The following CSMD3 variants were observed in gnomAD, a reference collection of about 807,000 sequenced individuals.
The protein encoded by CSMD3 is CUB and sushi domain-containing protein 3.
A neutral mutation model predicts 435.2 loss-of-function variants in CSMD3; 177 were observed. That is an observed-to-expected ratio of 0.41 (90% CI 0.36 to 0.46). The LOEUF is 0.46. Among genes scored for constraint, CSMD3 ranks in the 20% least tolerant of loss-of-function variants. The pLI is 0.34. For missense variants in CSMD3, 4,265 were observed against 4,504.6 expected (o/e 0.95, Z 1.52); for synonymous variants, 1,656 against 1,520.5 (o/e 1.09, Z -2.07).
intron 31 of CSMD3, among the ~76,000 whole-genome samples, chr8:112,488,841 C>G (rs997478850): frequency 3.9e-5 from 6 of 151,902 alleles, no homozygotes; most frequent in Admixed American, 3.9e-4. Flanking sequence ...AATAAAGAAA[C>G]AGATCTTCCT....
intron 10 of CSMD3, among the ~76,000 whole-genome samples, chr8:112,870,556 G>A (rs538073608): frequency 4.6e-5 from 7 of 151,984 alleles, no homozygotes; most frequent in East Asian, 1.9e-4. Context: ...GATTACAGGC[G>A]TGAGCCACTG....
intron 4 of CSMD3, among the ~76,000 whole-genome samples, chr8:113,135,319 AAAAT>A (rs1334472412): frequency 6.6e-6 from 1 of 152,006 alleles, no homozygotes; most frequent in Non-Finnish European, 1.5e-5. Context: ...GCACACAATA[AAAAT>A]AAATACAGAC....
At chr8:113,362,071 T>C (rs1042419574) in intron 1 of CSMD3, among the ~76,000 whole-genome samples, 1 of 152,166 alleles carries the variant, frequency 6.6e-6, no homozygotes, top group Non-Finnish European at 1.5e-5. Context: ...TCTGGGAAAA[T>C]AGCATTTGTA....
intron 13 of CSMD3, among the ~76,000 whole-genome samples, chr8:112,767,334 C>A (rs2078004420): frequency 6.6e-6 from 1 of 151,650 alleles, no homozygotes; most frequent in Admixed American, 6.6e-5. Context: ...TAAACTAGGA[C>A]AATAAATCAA....
At chr8:113,249,101 T>A (rs2093309662) in intron 3 of CSMD3, among the ~76,000 whole-genome samples, 1 of 152,050 alleles carries the variant, frequency 6.6e-6, no homozygotes, top group African/African-American at 2.4e-5. Flanking sequence ...CAAGATCTAA[T>A]GGTCTTAATA....
chr8:112,960,634 A>G (rs143504982), intron 7 of CSMD3, among the ~76,000 whole-genome samples: 1 of 151,786 alleles, frequency 6.6e-6, no homozygotes, highest in Non-Finnish European at 1.5e-5. Flanking sequence ...AGCAATGGCC[A>G]TAATTTGATG....
chr8:113,138,318 A>G (rs959369493), intron 4 of CSMD3, among the ~76,000 whole-genome samples: 3 of 151,498 alleles, frequency 2.0e-5, no homozygotes, highest in Non-Finnish European at 4.4e-5. Flanking sequence ...TTGAATTTTT[A>G]AAACTACTGA....
intron 2 of CSMD3, among the ~76,000 whole-genome samples, chr8:113,289,044 TC>T (rs1166924832): frequency 6.6e-6 from 1 of 151,812 alleles, no homozygotes; most frequent in African/African-American, 2.4e-5. Context: ...CTGGAGTAAA[TC>T]TCAGTGATTC....
intron 32 of CSMD3, among the ~76,000 whole-genome samples, chr8:112,416,952 A>G (rs577471920): frequency 1.3e-5 from 2 of 152,118 alleles, no homozygotes; most frequent in Admixed American, 6.6e-5. Context: ...CTGTTTTGAT[A>G]TAAAAGTCTT....
At chr8:112,600,395 A>G (rs1056172090) in intron 22 of CSMD3, among the ~76,000 whole-genome samples, 2 of 152,208 alleles carry the variant, frequency 1.3e-5, no homozygotes, top group Non-Finnish European at 2.9e-5. Flanking sequence ...TTATTGATTT[A>G]TAACGACAAG....
chr8:113,308,764 C>A (rs2093843858), intron 2 of CSMD3, among the ~76,000 whole-genome samples: 1 of 152,032 alleles, frequency 6.6e-6, no homozygotes, highest in Admixed American at 6.6e-5. Flanking sequence ...TTGTTTTCAA[C>A]CCCGTATAAG....
chr8:112,373,916 A>AG (rs759265638), intron 38 of CSMD3, among the ~76,000 whole-genome samples: 9 of 152,090 alleles, frequency 5.9e-5, no homozygotes, highest in Non-Finnish European at 1.0e-4. Context: ...TATTGTTCTA[A>AG]ACCACAGCTG....
chr8:113,274,817 T>TAC (rs57828038), intron 3 of CSMD3, among the ~76,000 whole-genome samples: 41,885 of 132,562 alleles, frequency 0.32, 6,888 homozygotes, highest in East Asian at 0.72. Context: ...CACATTCAGC[T>TAC]ACACACACAC....
chr8:112,458,064 C>T (rs938138419), intron 32 of CSMD3, among the ~76,000 whole-genome samples: 2 of 151,784 alleles, frequency 1.3e-5, no homozygotes, highest in Non-Finnish European at 2.9e-5. Flanking sequence ...TTTTAATGTG[C>T]AAAAAATTGT....
rs1487429382 is a variant in CSMD3 at position 113,409,079 on chromosome 8, C to CTTCT, written c.178+27597_178+27598insAGAA. Reference sequence around the variant, plus strand: ...AAGACTTTTTCTTCTTCTTCTTCTTCTTTTTTTTTTTTTTTTTTTTTTGAG... The same window carrying CTTCT: ...AAGACTTTTTCTTCTTCTTCTTCTTCTTCTTTTTTTTTTTTTTTTTTTTTTTGAG... On this transcript the variant is annotated intron_variant, in intron 1 of 70. Transcript: ENST00000297405. Among the ~76,000 whole-genome samples, 33 of 99,098 alleles carry CTTCT rather than the reference C, an allele frequency of 3.3e-4. 1 individual carries two copies. In the Admixed American group the frequency reaches 3.4e-3, roughly 10 times the overall value. 65.0% of individuals were successfully genotyped at this position (99,098 alleles called of 152,430 possible). A position where few individuals can be genotyped will look rare whatever the true frequency, so the allele number is the denominator to read the frequency against.
intron 58 of CSMD3, 105 bp from the exon 59 acceptor site, chr8:112,281,455 T>A (rs933656580): frequency 2.3e-6 from 2 of 862,770 alleles, no homozygotes; most frequent in Non-Finnish European, 3.8e-6. Flanking sequence ...AAAGAAGCAA[T>A]AAAAACTTCT....
intron 27 of CSMD3, among the ~76,000 whole-genome samples, chr8:112,534,456 T>G (rs915445034): frequency 3.3e-5 from 5 of 152,096 alleles, no homozygotes; most frequent in Non-Finnish European, 7.4e-5. Context: ...CCTCGACACA[T>G]ACACTCTCCC....
intron 4 of CSMD3, among the ~76,000 whole-genome samples, chr8:113,140,531 C>T (rs779727007): frequency 1.4e-4 from 21 of 150,858 alleles, no homozygotes; most frequent in Non-Finnish European, 2.7e-4. Context: ...ACACAACTAA[C>T]TTAAAATATT....
intron 10 of CSMD3, among the ~76,000 whole-genome samples, chr8:112,905,579 C>T (rs1048391033): frequency 6.6e-6 from 1 of 151,350 alleles, no homozygotes; most frequent in Non-Finnish European, 1.5e-5. Context: ...GATAGTGTCT[C>T]CCTCCAGAGC....
Sources: allele counts gnomAD v4.1 joint callset (sites outside exome capture counted in the v4.1 genomes callset), GRCh38; gene constraint gnomAD v4.1.1; transcripts MANE v1.5; gene names NCBI Gene and HGNC (gene_info 2026-07-23, HGNC 2026-07-21).